CNTLN: variants seen among roughly 807,000 people sequenced by gnomAD.
CNTLN encodes centlein.
In CNTLN, 212 loss-of-function variants were observed where a neutral mutation model predicts 180.0. The ratio of observed to expected loss-of-function variants is 1.18; its 90% CI spans 1.05 to 1.32. The LOEUF is 1.32. Ranked by LOEUF, CNTLN falls within the 40% of genes most tolerant of loss-of-function variation. CNTLN has a pLI of 0.00. For synonymous variants in CNTLN, 722 were observed against 563.1 expected (o/e 1.28, Z -3.99); for missense variants, 2,095 against 1,610.9 (o/e 1.30, Z -5.14).
At chr9:17,313,714 T>C (rs1819361827) in intron 8 of CNTLN, among the ~76,000 whole-genome samples, 2 of 152,252 alleles carry the variant, frequency 1.3e-5, no homozygotes, top group Non-Finnish European at 2.9e-5. Context: ...TTTTGTTTCC[T>C]GTTCTTTCTT....
intron 7 of CNTLN, among the ~76,000 whole-genome samples, chr9:17,302,918 T>A (rs1299595127): frequency 6.6e-6 from 1 of 152,206 alleles, no homozygotes; most frequent in Admixed American, 6.5e-5. Context: ...ATTTTAGAAA[T>A]GTTTTATGTA....
At chr9:17,314,186 T>C (rs1485832064) in intron 8 of CNTLN, among the ~76,000 whole-genome samples, 1 of 152,264 alleles carries the variant, frequency 6.6e-6, no homozygotes, top group Non-Finnish European at 1.5e-5. Flanking sequence ...TAAGTCCTTG[T>C]TATAGTAGTT....
intron 2 of CNTLN, among the ~76,000 whole-genome samples, chr9:17,198,345 A>C (rs2131855621): frequency 7.0e-6 from 1 of 143,206 alleles, no homozygotes; most frequent in African/African-American, 2.6e-5. Context: ...TTTTAATAAT[A>C]TTGATTCGTC....
chr9:17,365,132 C>G (rs1460202540), intron 12 of CNTLN, among the ~76,000 whole-genome samples: 1 of 152,146 alleles, frequency 6.6e-6, no homozygotes, highest in African/African-American at 2.4e-5. Context: ...ATTGTAATCC[C>G]CAGTGGTGAA....
intron 5 of CNTLN, among the ~76,000 whole-genome samples, chr9:17,244,699 T>C (rs2132225398): frequency 6.6e-6 from 1 of 152,308 alleles, no homozygotes; most frequent in African/African-American, 2.4e-5. Flanking sequence ...CCTGGTTGTT[T>C]TGTGGTCTTC....
At chr9:17,308,927 A>G (rs950833397) in intron 7 of CNTLN, 131 bp from the exon 8 acceptor site, 5 of 425,192 alleles carry the variant, frequency 1.2e-5, no homozygotes, top group African/African-American at 2.1e-5. Context: ...CTCTGAGACT[A>G]TTAAAATAAC....
rs1831721503 is a variant in CNTLN at position 17,465,967 on chromosome 9, T to G, written c.3532-14T>G. The G allele has an allele frequency of 6.3e-7, 1 of 1,588,932 alleles. No homozygotes were observed. The highest frequency in any genetic ancestry group is 8.6e-7 in the Non-Finnish European group (1 of 1,165,416). On this transcript the variant is annotated splice_polypyrimidine_tract_variant and intron_variant, in intron 21 of 25. Transcript: ENST00000380647. The stretch of plus-strand genomic sequence containing the variant: ...CCTTCAACAATAATAATTACCTTTA[T>G]GCTTTTAATGTAGGTAAAGACATTA...
At chr9:17,274,872 A>G (rs1828210315) in intron 6 of CNTLN, among the ~76,000 whole-genome samples, 1 of 152,070 alleles carries the variant, frequency 6.6e-6, no homozygotes, top group Non-Finnish European at 1.5e-5. Context: ...TAAATATGCC[A>G]TTGTGAATTT....
At chr9:17,355,180 C>G (rs972661443) in intron 12 of CNTLN, among the ~76,000 whole-genome samples, 4 of 152,180 alleles carry the variant, frequency 2.6e-5, no homozygotes, top group Non-Finnish European at 5.9e-5. Flanking sequence ...TCCGGACACA[C>G]TGGTTAATTT....
At chr9:17,470,264 C>T (rs906844804) in intron 23 of CNTLN, among the ~76,000 whole-genome samples, 4 of 151,850 alleles carry the variant, frequency 2.6e-5, no homozygotes, top group East Asian at 1.9e-4. Flanking sequence ...AAATGGAAAA[C>T]TCTGTGAACA....
chr9:17,398,583 A>G (rs1587884478), intron 15 of CNTLN, among the ~76,000 whole-genome samples: 1 of 152,212 alleles, frequency 6.6e-6, no homozygotes, highest in African/African-American at 2.4e-5. Flanking sequence ...TGCAGACTCC[A>G]GTCAGCCACA....
intron 1 of CNTLN, among the ~76,000 whole-genome samples, chr9:17,141,069 T>C (rs1177051452): frequency 6.6e-6 from 1 of 152,206 alleles, no homozygotes; most frequent in Non-Finnish European, 1.5e-5. Flanking sequence ...ACAAGTCTAA[T>C]TTTAAGATTT....
intron 7 of CNTLN, among the ~76,000 whole-genome samples, chr9:17,302,561 G>A (rs1178221449): frequency 5.3e-5 from 8 of 152,116 alleles, no homozygotes; most frequent in Admixed American, 6.5e-5. Flanking sequence ...TAATAAGAAT[G>A]TACGGGGGTC....
At chr9:17,337,993 T>G (rs1306536109) in intron 10 of CNTLN, among the ~76,000 whole-genome samples, 1 of 152,088 alleles carries the variant, frequency 6.6e-6, no homozygotes. Flanking sequence ...TTTGATTCAA[T>G]GAAGAATAAT....
intron 12 of CNTLN, among the ~76,000 whole-genome samples, chr9:17,366,266 C>G (rs1247722467): frequency 6.6e-6 from 1 of 151,468 alleles, no homozygotes; most frequent in Non-Finnish European, 1.5e-5. Flanking sequence ...GCTAGGACTA[C>G]AGGTGCGCGT....
At chr9:17,366,378 A>G (rs1218649695) in intron 12 of CNTLN, among the ~76,000 whole-genome samples, 1 of 152,098 alleles carries the variant, frequency 6.6e-6, no homozygotes, top group Non-Finnish European at 1.5e-5. Context: ...TTCTAGTCTC[A>G]AGTGATCCCC....
intron 2 of CNTLN, among the ~76,000 whole-genome samples, chr9:17,145,590 T>G (rs1337986718): frequency 6.6e-6 from 1 of 152,232 alleles, no homozygotes; most frequent in African/African-American, 2.4e-5. Flanking sequence ...TTCTCTTTAC[T>G]TTTTCTTATA....
chr9:17,309,816 T>G (rs1818999102), intron 8 of CNTLN, among the ~76,000 whole-genome samples: 3 of 152,046 alleles, frequency 2.0e-5, no homozygotes, highest in Non-Finnish European at 4.4e-5. Flanking sequence ...TTTTAGATAA[T>G]CTTCAGGGCA....
At chr9:17,270,034 C>T (rs1827818538) in intron 5 of CNTLN, among the ~76,000 whole-genome samples, 1 of 151,988 alleles carries the variant, frequency 6.6e-6, no homozygotes, top group African/African-American at 2.4e-5. Flanking sequence ...GCTCTAAGTG[C>T]TTACACTTTG....
Sources: gnomAD v4.1 joint callset for allele counts (sites outside exome capture counted in the v4.1 genomes callset) on GRCh38, gnomAD v4.1.1 for gene constraint, MANE v1.5 for transcripts, NCBI Gene and HGNC (gene_info 2026-07-23, HGNC 2026-07-21) for gene names.